Variants in MACROD2 observed in about 807,000 individuals in gnomAD.
MACROD2 encodes ADP-ribose glycohydrolase MACROD2.
In MACROD2, 36 loss-of-function variants were observed where a neutral mutation model predicts 70.4. The ratio of observed to expected loss-of-function variants is 0.51; its 90% CI spans 0.39 to 0.68. The LOEUF is 0.68. MACROD2 is among the 30% of genes least tolerant of loss of function. The pLI is 0.00. For missense variants in MACROD2, 496 were observed against 538.4 expected (o/e 0.92, Z 0.78); for synonymous variants, 172 against 178.8 (o/e 0.96, Z 0.30).
rs886907688 is a variant in MACROD2 at position 15,527,104 on chromosome 20, A to C, written c.645+27257A>C. 2.0e-4 allele frequency among the ~76,000 whole-genome samples: 30 copies of C among 152,166 alleles called. 1 individual carries two copies. The highest frequency in any genetic ancestry group is 4.4e-5 in the Non-Finnish European group (3 of 68,036). ...TCTCAGCTTTCCCTCCCCTTGTCTG[A>C]GCTCAGAGCATCAAGCTGTTAAGGA... On this transcript the variant is annotated intron_variant, in intron 8 of 17. Coordinates refer to ENST00000684519, the MANE Select transcript of MACROD2 (RefSeq NM_001351661.2).
chr20:15,822,326 T>G (rs983490739), intron 8 of MACROD2, among the ~76,000 whole-genome samples: 1 of 152,182 alleles, frequency 6.6e-6, no homozygotes, highest in African/African-American at 2.4e-5. Flanking sequence ...ATAAACTATA[T>G]TAATAGTCTC....
chr20:15,048,440 C>T (rs1422096865), intron 5 of MACROD2, among the ~76,000 whole-genome samples: 1 of 151,110 alleles, frequency 6.6e-6, no homozygotes, highest in Non-Finnish European at 1.5e-5. Flanking sequence ...TTACTTAATC[C>T]TCTCATTCTT....
At chr20:14,586,502 A>G (rs1171420121) in intron 4 of MACROD2, among the ~76,000 whole-genome samples, 1 of 152,096 alleles carries the variant, frequency 6.6e-6, no homozygotes, top group East Asian at 1.9e-4. Context: ...ACTAGTTTCA[A>G]TATCAAAAGA....
intron 3 of MACROD2, among the ~76,000 whole-genome samples, chr20:14,178,287 T>C (rs1219924941): frequency 6.6e-6 from 1 of 152,186 alleles, no homozygotes; most frequent in African/African-American, 2.4e-5. Context: ...TACATAGATA[T>C]GTATTGAAAT....
chr20:16,039,055 C>A (rs775133), intron 15 of MACROD2, among the ~76,000 whole-genome samples: 1 of 151,690 alleles, frequency 6.6e-6, no homozygotes, highest in Non-Finnish European at 1.5e-5. Context: ...TGCTCCCTGC[C>A]CCTAGCCTCA....
At chr20:15,863,234 CAT>C (rs1402057754) in intron 9 of MACROD2, among the ~76,000 whole-genome samples, 1 of 152,118 alleles carries the variant, frequency 6.6e-6, no homozygotes, top group African/African-American at 2.4e-5. Context: ...CATTTATATT[CAT>C]AGTCAGAATT....
chr20:15,195,953 T>C (rs1047360455), intron 5 of MACROD2, among the ~76,000 whole-genome samples: 1 of 152,168 alleles, frequency 6.6e-6, no homozygotes, highest in Non-Finnish European at 1.5e-5. Context: ...AGCTGGAAAC[T>C]GTTATCTTCA....
chr20:15,115,252 C>T (rs541743345), intron 5 of MACROD2, among the ~76,000 whole-genome samples: 65 of 152,100 alleles, frequency 4.3e-4, no homozygotes, highest in African/African-American at 1.0e-3. Context: ...CTTCTTTTGA[C>T]GGGGTCTCAC....
At chr20:14,654,317 C>T (rs1360475036) in intron 4 of MACROD2, among the ~76,000 whole-genome samples, 4 of 151,576 alleles carry the variant, frequency 2.6e-5, no homozygotes, top group Non-Finnish European at 4.4e-5. Context: ...GAGGCTGAGG[C>T]GGATGGATCA....
At chr20:15,075,305 A>G (rs956504887) in intron 5 of MACROD2, among the ~76,000 whole-genome samples, 1 of 152,198 alleles carries the variant, frequency 6.6e-6, no homozygotes, top group Non-Finnish European at 1.5e-5. Flanking sequence ...ACGAAAGGTA[A>G]GTTCTAGGAA....
intron 5 of MACROD2, among the ~76,000 whole-genome samples, chr20:15,022,442 A>T (rs938079435): frequency 1.3e-5 from 2 of 152,200 alleles, no homozygotes; most frequent in African/African-American, 2.4e-5. Context: ...GTATCATTAA[A>T]GTTGGATAGA....
At chr20:14,418,117 G>A (rs369070175) in intron 3 of MACROD2, among the ~76,000 whole-genome samples, 20 of 152,020 alleles carry the variant, frequency 1.3e-4, no homozygotes, top group Non-Finnish European at 2.6e-4. Flanking sequence ...ATTATAGTTC[G>A]AGCCTCTGAA....
At chr20:14,098,169 A>C (rs995096812) in intron 3 of MACROD2, among the ~76,000 whole-genome samples, 3 of 152,144 alleles carry the variant, frequency 2.0e-5, no homozygotes, top group African/African-American at 4.8e-5. Context: ...TATTTGAAAA[A>C]ATTTTTATAT....
intron 8 of MACROD2, among the ~76,000 whole-genome samples, chr20:15,520,737 A>C (rs905093140): frequency 1.3e-5 from 2 of 152,102 alleles, no homozygotes; most frequent in African/African-American, 4.8e-5. Context: ...TGCATACTGA[A>C]GAGACTACAC....
chr20:16,049,709 A>C, intron 17 of MACROD2, 121 bp from the exon 18 acceptor site: 4 of 883,080 alleles, frequency 4.5e-6, no homozygotes, highest in Non-Finnish European at 7.0e-6. Flanking sequence ...CAAATAAGAT[A>C]TTTCTGGGCC....
chr20:15,725,503 G>A (rs187933831), intron 8 of MACROD2, among the ~76,000 whole-genome samples: 152 of 140,638 alleles, frequency 1.1e-3, no homozygotes, highest in African/African-American at 3.9e-3. Flanking sequence ...GATTTTCTAC[G>A]TAGATAATCA....
At chr20:14,388,303 T>A (rs2083489900) in intron 3 of MACROD2, among the ~76,000 whole-genome samples, 1 of 152,164 alleles carries the variant, frequency 6.6e-6, no homozygotes, top group Non-Finnish European at 1.5e-5. Context: ...TGAGCCACTG[T>A]GCCCAGCCTT....
At chr20:15,984,440 TATTACTTTTAA>T (rs1470202270) in intron 13 of MACROD2, among the ~76,000 whole-genome samples, 2 of 152,194 alleles carry the variant, frequency 1.3e-5, no homozygotes, top group Non-Finnish European at 2.9e-5. Flanking sequence ...CAGGAGGCCT[TATTACTTTTAA>T]ATTATACAAC....
At chr20:14,622,197 C>A (rs1028831254) in intron 4 of MACROD2, among the ~76,000 whole-genome samples, 1 of 151,976 alleles carries the variant, frequency 6.6e-6, no homozygotes, top group African/African-American at 2.4e-5. Flanking sequence ...AAATAATTTT[C>A]TTGCAATGAT....
Sources: allele counts gnomAD v4.1 joint callset (sites outside exome capture counted in the v4.1 genomes callset), GRCh38; gene constraint gnomAD v4.1.1; transcripts MANE v1.5; gene names NCBI Gene and HGNC (gene_info 2026-07-23, HGNC 2026-07-21).